Variants in REM1 observed in about 807,000 individuals in gnomAD.
REM1 encodes the protein GTP-binding protein REM 1.
In REM1, 20 loss-of-function variants were observed where a neutral mutation model predicts 27.0. The observed-to-expected ratio is 0.74, with a 90% CI of 0.52 to 1.08. The LOEUF is 1.08. Among genes scored for constraint, REM1 ranks in the 50% least tolerant of loss-of-function variants. The pLI is 0.00. For synonymous variants in REM1, 159 were observed against 167.9 expected (o/e 0.95, Z 0.41); for missense variants, 405 against 407.0 (o/e 1.00, Z 0.04).
In REM1 at chr20:31,484,802, TCCAC is replaced by T; in HGVS notation, c.*374_*377del. The stretch of plus-strand genomic sequence containing the variant: ...CTCCATCTCGGCTCTTCCAGGCGTC[TCCAC>T]CTACTGCCCTCCCATCTACACTTGA... On this transcript the variant is annotated 3_prime_UTR_variant, in exon 5 of 5. Transcript: ENST00000201979. 4.7e-6 allele frequency: 1 copy of T among 210,562 alleles called. No individual in the cohort carries two copies. Among genetic ancestry groups the T allele is most frequent in the Non-Finnish European group, 9.4e-6 (1 of 106,802 alleles). The allele number at this position is 210,562 out of a possible 1,614,324, so 13.0% of individuals were successfully genotyped here.
chr20:31,484,460 T>A lies in REM1; in HGVS notation c.*30T>A. 39 of 1,455,944 alleles carry A rather than the reference T, an allele frequency of 2.7e-5. No homozygotes were observed. The highest frequency in any genetic ancestry group is 3.4e-5 in the Non-Finnish European group (38 of 1,102,334). 90.2% of individuals were successfully genotyped at this position (1,455,944 alleles called of 1,614,324 possible). ...CCCCGCCCTTCTGAGAGTTGGCGGG[T>A]CACTGAGGTGCATTCTGGGCTCCAG... On this transcript the variant is annotated 3_prime_UTR_variant, in exon 5 of 5. Transcript: ENST00000201979.
chr20:31,480,656 G>A (rs1307511002), intron 3 of REM1, among the ~76,000 whole-genome samples: 1 of 151,974 alleles, frequency 6.6e-6, no homozygotes, highest in South Asian at 2.1e-4. Context: ...CTCCCAATAA[G>A]TTCATACCAA....
rs766369633 is a variant in REM1 at position 31,477,794 on chromosome 20, C to A, written c.341-34C>A. 11 of 1,570,710 alleles carry A rather than the reference C, an allele frequency of 7.0e-6. No homozygotes were observed. In the South Asian group the frequency reaches 1.2e-4, roughly 18 times the overall value. ...ACCACACTCTCTCAGGCTTGCCCGT[C>A]CTCCCTGAGATCCAGCTCTTCCCTC... On this transcript the variant is annotated intron_variant, in intron 2 of 4. Transcript: ENST00000201979.
At chr20:31,483,896 A>G (rs974067952) in intron 4 of REM1, among the ~76,000 whole-genome samples, 4 of 152,028 alleles carry the variant, frequency 2.6e-5, no homozygotes, top group Non-Finnish European at 5.9e-5. Flanking sequence ...AGGAATCTGC[A>G]TTTAAACAAG....
Position 31,476,315 on chromosome 20 carries a change from G to A in REM1, c.-131G>A. 1.4e-6 allele frequency: 1 copy of A among 735,542 alleles called. No homozygotes were observed. The highest frequency in any genetic ancestry group is 2.8e-5 in the Admixed American group (1 of 35,448). 45.6% of individuals were successfully genotyped at this position (735,542 alleles called of 1,614,324 possible). ...CCTACTCCCATCTGAACAAGAGGGG[G>A]ATCTGGAAGAAGCCATACAGCAGCT... On this transcript the variant is annotated 5_prime_UTR_variant, in exon 2 of 5. Coordinates refer to ENST00000201979, the MANE Select transcript of REM1 (RefSeq NM_014012.6).
At position 31,484,341 on chromosome 20, in the gene REM1, C is replaced by G; in HGVS notation, c.808C>G (p.Arg270Gly). 6.4e-7 allele frequency: 1 copy of G among 1,563,966 alleles called. No homozygotes were observed. The highest frequency in any genetic ancestry group is 8.7e-7 in the Non-Finnish European group (1 of 1,155,274). The change falls in exon 5 of 5, where the codon CGC becomes GGC. Residue 270 changes from arginine (R) to glycine (G), a missense_variant. Arg to Gly is a moderately radical substitution (Grantham distance 125). Coordinates refer to ENST00000201979, the MANE Select transcript of REM1 (RefSeq NM_014012.6). ...RPASLAQRAR[R>G]FLARLTARSA... The stretch of plus-strand genomic sequence containing the variant: ...GGCCAGCCTAGCCCAGCGCGCTCGT[C>G]GCTTCCTGGCACGCCTGACAGCCCG...
chr20:31,480,175 C>T (rs1424125096), intron 3 of REM1, among the ~76,000 whole-genome samples: 2 of 151,396 alleles, frequency 1.3e-5, no homozygotes, highest in African/African-American at 2.4e-5. Flanking sequence ...CAGAGCAAGA[C>T]TCCATCTCAA....
At chr20:31,476,877 T>C in intron 2 of REM1, 92 bp downstream of exon 2, 3 of 1,048,144 alleles carry the variant, frequency 2.9e-6, no homozygotes. Flanking sequence ...GTTGTACAAG[T>C]CATGCACTGT....
At position 31,477,821 on chromosome 20, in the gene REM1, G is replaced by C. The variant is rs991446677; in HGVS notation, c.341-7G>C. On this transcript the variant is annotated splice_region_variant and splice_polypyrimidine_tract_variant and intron_variant, in intron 2 of 4. Transcript: ENST00000201979. ...TCCCTGAGATCCAGCTCTTCCCTCG[G>C]TTGCAGAAGATGTATATGAGAGGAC... 6 of 1,610,430 alleles carry C rather than the reference G, an allele frequency of 3.7e-6. No individual in the cohort carries two copies. Among genetic ancestry groups the C allele is most frequent in the Admixed American group, 3.3e-5 (2 of 59,756 alleles).
At chr20:31,483,741 G>A (rs1443057048) in intron 4 of REM1, among the ~76,000 whole-genome samples, 1 of 150,464 alleles carries the variant, frequency 6.6e-6, no homozygotes, top group African/African-American at 2.5e-5. Context: ...GGCTCCTGGA[G>A]GTGGAAGACC....
Position 31,484,425 on chromosome 20 carries a change from C to T in REM1, c.892C>T (p.Leu298Phe). The T allele has an allele frequency of 3.3e-6, 5 of 1,503,944 alleles. No individual in the cohort carries two copies. The highest frequency in any genetic ancestry group is 2.7e-6 in the Non-Finnish European group (3 of 1,124,778). The allele number at this position is 1,503,944 out of a possible 1,614,324, so 93.2% of individuals were successfully genotyped here. ...RSKSCHNLAV[L>F] ...CAAGTCCTGCCACAATCTGGCCGTG[C>T]TCTGAAGCCCCCCGCCCTTCTGAGA... Residue 298 changes from leucine (L) to phenylalanine (F), a missense_variant, in exon 5 of 5, where the codon CTC becomes TTC. Leu to Phe is a conservative substitution (Grantham distance 22, BLOSUM62 0). Transcript: ENST00000201979.
At chr20:31,480,029 C>T (rs1432686486) in intron 3 of REM1, among the ~76,000 whole-genome samples, 3 of 151,910 alleles carry the variant, frequency 2.0e-5, no homozygotes, top group Non-Finnish European at 4.4e-5. Context: ...GCAGAGGTTG[C>T]GGTAAGCAGA....
intron 4 of REM1, among the ~76,000 whole-genome samples, chr20:31,482,762 C>G (rs1396493609): frequency 6.6e-6 from 1 of 152,170 alleles, no homozygotes; most frequent in Non-Finnish European, 1.5e-5. Context: ...TTCGCCAGTC[C>G]TCCTGCTTCT....
Position 31,476,560 on chromosome 20 carries a change from A to G in REM1, c.115A>G (p.Thr39Ala). ...QPGRLSTVPS[T>A]QSQHPRLGQS... ...TGGCCGCCTGAGCACAGTGCCTTCC[A>G]CTCAATCCCAGCATCCCCGGCTGGG... Residue 39 changes from threonine (T) to alanine (A), a missense_variant, in exon 2 of 5, where the codon ACT (threonine) becomes GCT (alanine). Physicochemically the swap from Thr to Ala is moderately conservative, Grantham distance 58. Transcript: ENST00000201979. 6.2e-7 allele frequency: 1 copy of G among 1,613,998 alleles called. No homozygotes were observed. The highest frequency in any genetic ancestry group is 8.5e-7 in the Non-Finnish European group (1 of 1,179,964).
At position 31,484,800 on chromosome 20, in the gene REM1, T is replaced by TC; in HGVS notation, c.*371dup. ...CTCTCCATCTCGGCTCTTCCAGGCG[T>TC]CTCCACCTACTGCCCTCCCATCTAC... On this transcript the variant is annotated 3_prime_UTR_variant, in exon 5 of 5. Coordinates refer to ENST00000201979, the MANE Select transcript of REM1 (RefSeq NM_014012.6). 4.7e-6 allele frequency: 1 copy of TC among 212,452 alleles called. No individual in the cohort carries two copies. Among genetic ancestry groups the TC allele is most frequent in the South Asian group, 1.7e-4 (1 of 5,918 alleles). 13.2% of individuals were successfully genotyped at this position (212,452 alleles called of 1,614,324 possible). A position where few individuals can be genotyped will look rare whatever the true frequency, so the allele number is the denominator to read the frequency against.
rs192305166 is a variant in REM1 at position 31,480,482 on chromosome 20, C to T, written c.424-1805C>T. 3.7e-4 allele frequency among the ~76,000 whole-genome samples: 56 copies of T among 152,202 alleles called. 1 individual carries two copies. In the East Asian group the frequency reaches 0.01, roughly 28 times the overall value. On this transcript the variant is annotated intron_variant, in intron 3 of 4. Transcript: ENST00000201979. ...GGGACTACAGGCACCCACCACCACGCCCAGCTATTTTTGTATTTTTAGTAG... is the reference window on the plus strand; with the variant it reads ...GGGACTACAGGCACCCACCACCACGTCCAGCTATTTTTGTATTTTTAGTAG...
intron 3 of REM1, 60 bp downstream of exon 3, chr20:31,477,970 C>T (rs1467110793): frequency 1.9e-6 from 2 of 1,030,238 alleles, no homozygotes; most frequent in Non-Finnish European, 3.0e-6. Context: ...TAGACTCCTT[C>T]CTGTCCCCTC....
Position 31,476,495 on chromosome 20 carries a change from C to G in REM1, c.50C>G (p.Ala17Gly), listed in dbSNP as rs375889740. 1 of 1,612,584 alleles carries G rather than the reference C, an allele frequency of 6.2e-7. No homozygotes were observed. The highest frequency in any genetic ancestry group is 1.7e-5 in the Admixed American group (1 of 59,798). Residue 17 changes from alanine (A) to glycine (G), a missense_variant, in exon 2 of 5, where the codon GCC (alanine) becomes GGC (glycine). Coordinates refer to ENST00000201979, the MANE Select transcript of REM1 (RefSeq NM_014012.6). ...QEAKTPLHRRASTPLPLSPRG... is the reference protein window; with the variant it reads ...QEAKTPLHRRGSTPLPLSPRG... ...GCAAAGACCCCTCTGCACCGGCGAG[C>G]CAGCACCCCACTGCCCCTGTCCCCA...
intron 3 of REM1, among the ~76,000 whole-genome samples, chr20:31,480,204 T>TAGAC (rs1980670755): frequency 7.5e-6 from 1 of 132,466 alleles, no homozygotes; most frequent in South Asian, 2.3e-4. Flanking sequence ...GATAGATAGA[T>TAGAC]AGATAGATAG....
Sources: gnomAD v4.1 joint callset for allele counts (sites outside exome capture counted in the v4.1 genomes callset) on GRCh38, gnomAD v4.1.1 for gene constraint, MANE v1.5 for transcripts, NCBI Gene and HGNC (gene_info 2026-07-23, HGNC 2026-07-21) for gene names.